Variants in ZNF831 observed in about 807,000 individuals in gnomAD.
ZNF831 encodes the protein chromosome 20 open reading frame 174.
Under a neutral mutation model 95.8 loss-of-function variants are expected in ZNF831, and 59 were observed. The ratio of observed to expected loss-of-function variants is 0.62; its 90% CI spans 0.50 to 0.77. The LOEUF (loss-of-function observed/expected upper bound fraction) is 0.77. Among genes scored for constraint, ZNF831 ranks in the 30% least tolerant of loss-of-function variants. ZNF831 has a pLI of 0.00. For synonymous variants in ZNF831, 961 were observed against 925.5 expected (o/e 1.04, Z -0.70); for missense variants, 2,205 against 2,164.0 (o/e 1.02, Z -0.38).
At chr20:59,185,444 C>A (rs919909097) in intron 1 of ZNF831, among the ~76,000 whole-genome samples, 4 of 152,098 alleles carry the variant, frequency 2.6e-5, no homozygotes, top group African/African-American at 9.7e-5. Flanking sequence ...CAGTTCTGGG[C>A]TCCTTTTCCT....
At chr20:59,251,458 AC>A (rs1157414944) in intron 4 of ZNF831, among the ~76,000 whole-genome samples, 2 of 152,236 alleles carry the variant, frequency 1.3e-5, no homozygotes, top group African/African-American at 4.8e-5. Flanking sequence ...TGAATGTCAT[AC>A]CCAGCCAAGC....
intron 1 of ZNF831, among the ~76,000 whole-genome samples, chr20:59,142,606 C>T (rs981583521): frequency 1.3e-5 from 2 of 152,204 alleles, no homozygotes; most frequent in Non-Finnish European, 1.5e-5. Context: ...GTGATCTCAG[C>T]GGAATAGGTT....
In ZNF831 at chr20:59,191,915, G is replaced by C. The variant is rs779936120; in HGVS notation, c.896G>C (p.Arg299Pro). Residue 299 changes from arginine (R) to proline (P), a missense_variant, in exon 2 of 6, where the codon CGT (arginine) becomes CCT (proline). Physicochemically the swap from Arg to Pro is moderately radical, Grantham distance 103. Coordinates refer to ENST00000371030, the MANE Select transcript of ZNF831 (RefSeq NM_178457.3). ...CCAGCGGCCAGCACACAACCCTGGCGTAAGTTGCCAGAGCAGAAGTCGCCG... is the reference window on the plus strand; with the variant it reads ...CCAGCGGCCAGCACACAACCCTGGCCTAAGTTGCCAGAGCAGAAGTCGCCG... ...GLPAASTQPW[R>P]KLPEQKSPTA... 4 of 1,612,298 alleles carry C rather than the reference G, an allele frequency of 2.5e-6. No individual in the cohort carries two copies. Among genetic ancestry groups the C allele is most frequent in the Non-Finnish European group, 2.5e-6 (3 of 1,179,784 alleles).
At chr20:59,179,433 T>G (rs540849242) in intron 1 of ZNF831, among the ~76,000 whole-genome samples, 1 of 152,134 alleles carries the variant, frequency 6.6e-6, no homozygotes, top group East Asian at 1.9e-4. Flanking sequence ...GACCACACAC[T>G]GGGGGGCTCA....
rs71183162 is a variant in ZNF831 at position 59,199,071 on chromosome 20, ATATCTATCTATCTATCTATCTATCTATC to A, written c.3875+3103_3875+3130del. Among the ~76,000 whole-genome samples, 93 of 95,410 alleles carry A rather than the reference ATATCTATCTATCTATCTATCTATCTATC, an allele frequency of 9.7e-4. 1 individual carries two copies. Among genetic ancestry groups the A allele is most frequent in the East Asian group, 6.8e-3 (21 of 3,074 alleles). The allele number at this position is 95,410 out of a possible 152,430, so 62.6% of individuals were successfully genotyped here. A position where few individuals can be genotyped will look rare whatever the true frequency, so the allele number is the denominator to read the frequency against. On this transcript the variant is annotated intron_variant, in intron 3 of 5. Transcript: ENST00000371030. Reference sequence around the variant, plus strand: ...CCCACCCACCCACCCATCAACTTACATATCTATCTATCTATCTATCTATCTATCTATCTATCTATCTATCTATCTATCT... The same window carrying A: ...CCCACCCACCCACCCATCAACTTACATATCTATCTATCTATCTATCTATCT...
chr20:59,153,448 G>T (rs192088329), intron 2 of ZNF831, among the ~76,000 whole-genome samples: 39 of 152,374 alleles, frequency 2.6e-4, no homozygotes, highest in Non-Finnish European at 4.6e-4. Context: ...AGGCTTGGCA[G>T]GAGCAGTGGA....
rs141046099 is a variant in ZNF831, at chr20:59,174,733, C to CA, written c.-37+10534dup. Among the ~76,000 whole-genome samples, 1,007 of 150,728 alleles carry CA rather than the reference C, an allele frequency of 6.7e-3. 12 individuals carry two copies. The highest frequency in any genetic ancestry group is 0.023 in the African/African-American group (960 of 41,056). The stretch of plus-strand genomic sequence containing the variant: ...ACAAAGCAAGACCCTGTCTCAAAAA[C>CA]AAAAAAAACAAAAAACAAAACAAAC... On this transcript the variant is annotated intron_variant, in intron 1 of 5. Transcript: ENST00000371030.
chr20:59,173,843 T>A (rs1406326725), intron 1 of ZNF831, among the ~76,000 whole-genome samples: 1 of 152,136 alleles, frequency 6.6e-6, no homozygotes, highest in African/African-American at 2.4e-5. Flanking sequence ...GAATGATTAG[T>A]TACAATGAAA....
intron 2 of ZNF831, among the ~76,000 whole-genome samples, chr20:59,152,196 C>T (rs921783868): frequency 1.6e-4 from 24 of 152,148 alleles, no homozygotes; most frequent in African/African-American, 4.6e-4. Flanking sequence ...AAAAGTACAG[C>T]GCTCACTTTT....
chr20:59,175,021 C>T (rs1266951407), intron 1 of ZNF831, among the ~76,000 whole-genome samples: 2 of 152,190 alleles, frequency 1.3e-5, no homozygotes, highest in Admixed American at 6.5e-5. Context: ...TGGGCTGACA[C>T]TTCCTTTCCA....
At chr20:59,153,379 T>C (rs1355551758) in intron 2 of ZNF831, among the ~76,000 whole-genome samples, 1 of 152,194 alleles carries the variant, frequency 6.6e-6, no homozygotes, top group Non-Finnish European at 1.5e-5. Flanking sequence ...CGATTTCTGT[T>C]TGTCCCTCCT....
At chr20:59,167,921 T>G (rs1044099844) in intron 1 of ZNF831, among the ~76,000 whole-genome samples, 1 of 109,892 alleles carries the variant, frequency 9.1e-6, no homozygotes, top group Non-Finnish European at 2.0e-5. Context: ...TTGATTTATG[T>G]TTTTTTTTTT....
At chr20:59,168,494 G>T (rs185133889) in intron 1 of ZNF831, among the ~76,000 whole-genome samples, 482 of 90,232 alleles carry the variant, frequency 5.3e-3, no homozygotes, top group Non-Finnish European at 7.0e-3. Context: ...TTGAGAATTT[G>T]TATGTAGACA....
chr20:59,249,300 T>C (rs1419681374), intron 4 of ZNF831, among the ~76,000 whole-genome samples: 1 of 152,138 alleles, frequency 6.6e-6, no homozygotes, highest in East Asian at 1.9e-4. Flanking sequence ...TGTAGTATGC[T>C]CCCCTCCATT....
rs1291415140 is a variant in ZNF831, at chr20:59,193,677, C to A, written c.2658C>A (p.Ser886=). 1 of 1,613,044 alleles carries A rather than the reference C, an allele frequency of 6.2e-7. No individual in the cohort carries two copies. Among genetic ancestry groups the A allele is most frequent in the Non-Finnish European group, 8.5e-7 (1 of 1,179,770 alleles). Residue 886 remains serine (S), a synonymous_variant, in exon 2 of 6, where the codon TCC becomes TCA. Coordinates refer to ENST00000371030, the MANE Select transcript of ZNF831 (RefSeq NM_178457.3). The part of the protein sequence containing the change: ...VGEPLESSGA[S]LAAASVALKR... ...AGCCTCTGGAGTCCTCTGGAGCCTC[C>A]TTGGCTGCTGCTTCTGTTGCCCTGA...
rs201656414 is a variant in ZNF831, at chr20:59,193,158, G to A, written c.2139G>A (p.Thr713=). The A allele has an allele frequency of 2.5e-6, 4 of 1,574,966 alleles. No homozygotes were observed. Among genetic ancestry groups the A allele is most frequent in the Non-Finnish European group, 2.6e-6 (3 of 1,159,870 alleles). The change falls in exon 2 of 6, where the codon ACG becomes ACA. Residue 713 remains threonine (T), a synonymous_variant. Coordinates refer to ENST00000371030, the MANE Select transcript of ZNF831 (RefSeq NM_178457.3). The part of the protein sequence containing the change: ...LVTEPTKHGE[T]VARRGDSDRP... The stretch of plus-strand genomic sequence containing the variant: ...CTGAACCCACTAAGCATGGGGAGAC[G>A]GTGGCCAGGAGAGGAGACAGTGACC...
intron 1 of ZNF831, among the ~76,000 whole-genome samples, chr20:59,129,578 A>T (rs1979285480): frequency 6.6e-6 from 1 of 152,166 alleles, no homozygotes; most frequent in Non-Finnish European, 1.5e-5. Context: ...AGCCGAGATC[A>T]CGCCACTGCA....
At position 59,253,973 on chromosome 20, in the gene ZNF831, C is replaced by T. The variant is rs772933017; in HGVS notation, c.4264C>T (p.Gln1422Ter). Reference protein sequence around the residue: ...STAATSGLSLQSDTCLAVVND... With the variant: ...STAATSGLSL ...TGCTGCCACATCAGGATTATCTCTG[C>T]AATCTGACACCTGCCTGGCAGTGGT... is the stretch of plus-strand genomic sequence containing the variant. Residue 1422 changes from glutamine to a stop codon, truncating the protein, a stop_gained, in exon 6 of 6, where the codon CAA becomes TAA. Coordinates refer to ENST00000371030, the MANE Select transcript of ZNF831 (RefSeq NM_178457.3). LOFTEE classifies it low-confidence loss of function (END_TRUNC). 1.9e-6 allele frequency: 3 copies of T among 1,610,010 alleles called. No homozygotes were observed. The highest frequency in any genetic ancestry group is 1.7e-6 in the Non-Finnish European group (2 of 1,178,358).
upstream of ZNF831, among the ~76,000 whole-genome samples, chr20:59,161,884 G>A (rs1430767727): frequency 6.6e-6 from 1 of 152,174 alleles, no homozygotes. Context: ...CACCAACAAT[G>A]TGTGAGTGTT....
Sources: allele counts gnomAD v4.1 joint callset (sites outside exome capture counted in the v4.1 genomes callset), GRCh38; gene constraint gnomAD v4.1.1; transcripts MANE v1.5; gene names NCBI Gene and HGNC (gene_info 2026-07-23, HGNC 2026-07-21).